ABCA10: variants seen among roughly 807,000 people sequenced by gnomAD.
ABCA10 encodes the protein ATP-binding cassette sub-family A member 10.
A neutral mutation model predicts 187.5 loss-of-function variants in ABCA10; 169 were observed. That is an observed-to-expected ratio of 0.90 (90% CI 0.80 to 1.02). The LOEUF (loss-of-function observed/expected upper bound fraction) is 1.02. Among genes scored for constraint, ABCA10 ranks in the 50% least tolerant of loss-of-function variants. The probability of loss-of-function intolerance (pLI) is 0.00; values close to 1 mark genes in which losing one functional copy is unlikely to be tolerated. For synonymous variants in ABCA10, 574 were observed against 601.8 expected (o/e 0.95, Z 0.68); for missense variants, 1,727 against 1,812.4 (o/e 0.95, Z 0.86).
chr17:69,190,847 C>T (rs1458811337), intron 17 of ABCA10, among the ~76,000 whole-genome samples: 2 of 151,620 alleles, frequency 1.3e-5, no homozygotes, highest in African/African-American at 4.8e-5. Flanking sequence ...TTTTCAAAGA[C>T]TCTATTGAAC....
intron 5 of ABCA10, among the ~76,000 whole-genome samples, chr17:69,221,556 GA>G (rs920667198): frequency 6.6e-6 from 1 of 152,220 alleles, no homozygotes; most frequent in African/African-American, 2.4e-5. Flanking sequence ...ATGAACTGAG[GA>G]AAGACATTAG....
chr17:69,162,752 A>T (rs2074225944), intron 27 of ABCA10, among the ~76,000 whole-genome samples: 1 of 151,632 alleles, frequency 6.6e-6, no homozygotes, highest in Non-Finnish European at 1.5e-5. Context: ...AATGATTGGT[A>T]TCGTTGCTTA....
rs769271846 is a variant in ABCA10 at position 69,219,538 on chromosome 17, A to G, written c.530+7T>C. Reference sequence around the variant, plus strand: ...ATGATATACAGTAAAGTAGCAACTTAACTTACCAGAATGCTGACTCTCGGA... The same window carrying G: ...ATGATATACAGTAAAGTAGCAACTTGACTTACCAGAATGCTGACTCTCGGA... On this transcript the variant is annotated splice_region_variant and intron_variant, in intron 6 of 38. Transcript: ENST00000690296. The G allele has an allele frequency of 4.5e-6, 7 of 1,542,258 alleles. No individual in the cohort carries two copies. The South Asian group carries it at 7.7e-5, about 17-fold the overall frequency.
At position 69,194,484 on chromosome 17, in the gene ABCA10, CA is replaced by C; in HGVS notation, c.1245del (p.Phe415LeufsTer23). On this transcript the variant is annotated frameshift_variant, in exon 12 of 39. Transcript: ENST00000690296. LOFTEE classifies it high-confidence loss of function. ...GKVEALQGIF[F>X]DIYEGQITAI... ...GCAGTGATCTGTCCTTCATATATGT[CA>C]AAAAATATGCCTGTTTTAGAATAAA... The C allele has an allele frequency of 1.3e-6, 2 of 1,598,748 alleles. No homozygotes were observed. Among genetic ancestry groups the C allele is most frequent in the South Asian group, 1.1e-5 (1 of 87,732 alleles).
intron 22 of ABCA10, 94 bp from the exon 23 acceptor site, chr17:69,175,607 A>G (rs12940557): frequency 0.63 from 631,520 of 1,002,174 alleles, 203,611 homozygotes; most frequent in Non-Finnish European, 0.67. Flanking sequence ...GAAAAACTCT[A>G]GAAGCATTCA....
At chr17:69,170,591 T>G (rs2074291300) in intron 25 of ABCA10, among the ~76,000 whole-genome samples, 1 of 152,234 alleles carries the variant, frequency 6.6e-6, no homozygotes, top group Non-Finnish European at 1.5e-5. Flanking sequence ...AACTGTATTC[T>G]GCATTCACTG....
chr17:69,201,171 A>G (rs1463856207), intron 10 of ABCA10, among the ~76,000 whole-genome samples: 1 of 152,184 alleles, frequency 6.6e-6, no homozygotes, highest in Non-Finnish European at 1.5e-5. Context: ...AACGTGTATA[A>G]TATATACTTA....
intron 9 of ABCA10, among the ~76,000 whole-genome samples, chr17:69,204,656 C>T (rs1285626360): frequency 6.6e-6 from 1 of 152,190 alleles, no homozygotes; most frequent in East Asian, 1.9e-4. Flanking sequence ...CTGTTTAACC[C>T]ATCATAGGCT....
chr17:69,235,565 G>A (rs560247434), intron 1 of ABCA10, among the ~76,000 whole-genome samples: 2 of 152,090 alleles, frequency 1.3e-5, no homozygotes, highest in East Asian at 3.9e-4. Flanking sequence ...AGACTGCCTT[G>A]CTGTCACTGC....
intron 9 of ABCA10, among the ~76,000 whole-genome samples, chr17:69,204,488 G>C (rs1194671342): frequency 6.6e-6 from 1 of 152,152 alleles, no homozygotes; most frequent in Non-Finnish European, 1.5e-5. Context: ...AATGCAATTT[G>C]AGGTGTTTCC....
At chr17:69,238,771 C>T (rs1266787761) in intron 1 of ABCA10, among the ~76,000 whole-genome samples, 1 of 152,172 alleles carries the variant, frequency 6.6e-6, no homozygotes, top group African/African-American at 2.4e-5. Context: ...AGGGACCCAA[C>T]TTCTCTTTCA....
chr17:69,195,513 TTG>T lies in ABCA10; in HGVS notation c.1235-1020_1235-1019del, dbSNP rs1598108482. Among the ~76,000 whole-genome samples the T allele has an allele frequency of 2.0e-5, 3 of 151,384 alleles. No homozygotes were observed. The East Asian group carries it at 5.8e-4, about 29-fold the overall frequency. On this transcript the variant is annotated intron_variant, in intron 11 of 38. Coordinates refer to ENST00000690296, the MANE Select transcript of ABCA10 (RefSeq NM_001377321.1). Reference sequence around the variant, plus strand: ...ATATTTTCACATCACAGAAATGTTTTTGTGTTTTAATTTGAAGCATTATCAAA... The same window carrying T: ...ATATTTTCACATCACAGAAATGTTTTTGTTTTAATTTGAAGCATTATCAAA...
chr17:69,211,244 T>C (rs1395961729), intron 9 of ABCA10, among the ~76,000 whole-genome samples: 1 of 149,152 alleles, frequency 6.7e-6, no homozygotes, highest in Non-Finnish European at 1.5e-5. Context: ...AATGCCATTA[T>C]TTCATTCCTT....
chr17:69,199,386 A>T (rs1013731289), intron 10 of ABCA10, among the ~76,000 whole-genome samples: 1 of 152,246 alleles, frequency 6.6e-6, no homozygotes, highest in Non-Finnish European at 1.5e-5. Flanking sequence ...TGAATAAGTT[A>T]AAAAAGTAAT....
At chr17:69,192,695 T>C in intron 15 of ABCA10, 42 bp from the exon 16 acceptor site, 1 of 1,491,102 alleles carries the variant, frequency 6.7e-7, no homozygotes. Flanking sequence ...TGAAGAGTAA[T>C]TCCTTATATG....
At position 69,182,171 on chromosome 17, in the gene ABCA10, C is replaced by G. The variant is rs2074384551; in HGVS notation, c.2751G>C (p.Glu917Asp). 3.2e-6 allele frequency: 5 copies of G among 1,583,234 alleles called. No homozygotes were observed. Residue 917 changes from glutamate to aspartate, a missense_variant, in exon 22 of 39, where the codon GAG becomes GAC. Glu to Asp is a conservative substitution (Grantham distance 45, BLOSUM62 2). Transcript: ENST00000690296. ...TACTTACACGAGAAAATGAAGTGCTCTCCATTTGAATAAGCTCCGTGAAGT... is the reference window on the plus strand; with the variant it reads ...TACTTACACGAGAAAATGAAGTGCTGTCCATTTGAATAAGCTCCGTGAAGT... The part of the protein sequence containing the change: ...IFNFTELIQM[E>D]STSFSRDDIV...
intron 30 of ABCA10, 59 bp from the exon 31 acceptor site, chr17:69,154,385 C>G: frequency 8.6e-7 from 1 of 1,167,160 alleles, no homozygotes; most frequent in Non-Finnish European, 1.2e-6. Flanking sequence ...TCTAAAATTG[C>G]TTGGTTGGTT....
intron 9 of ABCA10, among the ~76,000 whole-genome samples, chr17:69,213,469 C>T (rs1429515939): frequency 6.6e-6 from 1 of 152,134 alleles, no homozygotes; most frequent in Non-Finnish European, 1.5e-5. Context: ...ATTATGGCTA[C>T]TTCTGCTGCA....
chr17:69,226,282 G>A (rs893323598), intron 2 of ABCA10, among the ~76,000 whole-genome samples: 1 of 152,030 alleles, frequency 6.6e-6, no homozygotes, highest in Non-Finnish European at 1.5e-5. Context: ...GGTGTTCATT[G>A]TACCAATATT....
Sources: allele counts gnomAD v4.1 joint callset (sites outside exome capture counted in the v4.1 genomes callset), GRCh38; gene constraint gnomAD v4.1.1; transcripts MANE v1.5; gene names NCBI Gene and HGNC (gene_info 2026-07-23, HGNC 2026-07-21).